Variants in SLC22A2 observed in about 807,000 individuals in gnomAD.
SLC22A2 encodes solute carrier family 22 member 2.
A neutral mutation model predicts 60.5 loss-of-function variants in SLC22A2; 46 were observed. The observed-to-expected ratio is 0.76, with a 90% confidence interval of 0.60 to 0.97. The LOEUF is 0.97. Among genes scored for constraint, SLC22A2 ranks in the 50% least tolerant of loss-of-function variants. The pLI, the probability that SLC22A2 is intolerant of heterozygous loss-of-function variation, is 0.00. For missense variants in SLC22A2, 701 were observed against 706.6 expected, an observed-to-expected ratio of 0.99 and a Z score of 0.09; for synonymous variants, 303 against 267.0, an observed-to-expected ratio of 1.13 and a Z score of -1.31.
chr6:160,251,610 T>C (rs1355835975), intron 2 of SLC22A2, among the ~76,000 whole-genome samples: 3 of 152,174 alleles, frequency 2.0e-5, no homozygotes, highest in Non-Finnish European at 2.9e-5. Flanking sequence ...CCTGGTTTGC[T>C]TGTAAAAGAC....
chr6:160,256,220 C>G (rs1324644490), intron 2 of SLC22A2, among the ~76,000 whole-genome samples: 3 of 151,848 alleles, frequency 2.0e-5, no homozygotes, highest in East Asian at 1.9e-4. Context: ...ATATGCGAGA[C>G]AAGCAGAGGA....
At chr6:160,243,867 T>A (rs1043557216) in intron 6 of SLC22A2, 81 bp from the exon 7 acceptor site, 7 of 945,384 alleles carry the variant, frequency 7.4e-6, no homozygotes, top group Admixed American at 6.0e-5. Flanking sequence ...AAAAATAATG[T>A]GGATTGTAGG....
intron 9 of SLC22A2, among the ~76,000 whole-genome samples, chr6:160,236,163 A>T (rs1782908191): frequency 6.6e-6 from 1 of 152,168 alleles, no homozygotes; most frequent in South Asian, 2.1e-4. Flanking sequence ...TAGGACTTTA[A>T]CAGGTATTCT....
At chr6:160,257,770 T>A (rs1316296670) in intron 1 of SLC22A2, 1 of 152,228 alleles carries the variant, frequency 6.6e-6, no homozygotes, top group Non-Finnish European at 1.5e-5. Flanking sequence ...TTATATTTAT[T>A]GGAATCAGGC....
intron 9 of SLC22A2, among the ~76,000 whole-genome samples, chr6:160,226,290 A>G (rs1782721973): frequency 6.6e-6 from 1 of 152,150 alleles, no homozygotes; most frequent in Admixed American, 6.5e-5. Flanking sequence ...AGTTATGCTT[A>G]AAAACTTTGC....
intron 9 of SLC22A2, among the ~76,000 whole-genome samples, chr6:160,226,885 T>G (rs1387113964): frequency 6.6e-6 from 1 of 152,006 alleles, no homozygotes; most frequent in African/African-American, 2.4e-5. Flanking sequence ...CATTATACCC[T>G]CTCCCTTTTG....
chr6:160,234,971 T>C (rs1051555020), intron 9 of SLC22A2, among the ~76,000 whole-genome samples: 2 of 152,216 alleles, frequency 1.3e-5, no homozygotes, highest in Non-Finnish European at 2.9e-5. Flanking sequence ...GCAAAAAATA[T>C]CGGCTGTTTG....
At chr6:160,227,998 AC>A (rs369124102) in intron 9 of SLC22A2, among the ~76,000 whole-genome samples, 4 of 152,206 alleles carry the variant, frequency 2.6e-5, no homozygotes, top group African/African-American at 7.2e-5. Flanking sequence ...TTAATAACCC[AC>A]CTTTTGTTTA....
At chr6:160,235,693 C>T (rs1007043636) in intron 9 of SLC22A2, among the ~76,000 whole-genome samples, 1 of 151,266 alleles carries the variant, frequency 6.6e-6, no homozygotes. Flanking sequence ...TTTCTTACAG[C>T]ACTGATCTGC....
intron 2 of SLC22A2, among the ~76,000 whole-genome samples, chr6:160,251,974 A>G (rs1486752879): frequency 1.3e-5 from 2 of 152,138 alleles, no homozygotes; most frequent in African/African-American, 4.8e-5. Flanking sequence ...CATTTTTAAA[A>G]ATTTTTATTT....
intron 8 of SLC22A2, 79 bp from the exon 9 acceptor site, chr6:160,241,665 C>A: frequency 1.2e-6 from 1 of 869,314 alleles, no homozygotes; most frequent in South Asian, 1.4e-5. Flanking sequence ...TGAATAAACA[C>A]TTCCTCAAAT....
Position 160,217,296 on chromosome 6 carries a change from G to C in SLC22A2, c.*136C>G. ...CCACAGTGTACAATAGACTCCACTG[G>C]CTGTAGACCTAGGTTGATAGGGCTC... On this transcript the variant is annotated 3_prime_UTR_variant, in exon 11 of 11. Transcript: ENST00000366953. The C allele has an allele frequency of 3.5e-6, 2 of 576,684 alleles. No homozygotes were observed. Among genetic ancestry groups the C allele is most frequent in the Non-Finnish European group, 6.1e-6 (2 of 325,808 alleles). 35.7% of individuals were successfully genotyped at this position (576,684 alleles called of 1,614,324 possible).
chr6:160,219,275 A>G (rs1254500416), intron 10 of SLC22A2, among the ~76,000 whole-genome samples: 1 of 126,302 alleles, frequency 7.9e-6, no homozygotes. Flanking sequence ...TACAATAGCA[A>G]TAACAACAGT....
intron 5 of SLC22A2, among the ~76,000 whole-genome samples, chr6:160,246,932 G>T (rs1783104170): frequency 6.6e-6 from 1 of 152,218 alleles, no homozygotes; most frequent in South Asian, 2.1e-4. Flanking sequence ...CAAGACAGAA[G>T]CTCCTCACGT....
intron 1 of SLC22A2, among the ~76,000 whole-genome samples, 194 bp from the exon 2 acceptor site, chr6:160,256,911 T>C (rs931574472): frequency 6.6e-6 from 1 of 151,692 alleles, no homozygotes; most frequent in Non-Finnish European, 1.5e-5. Flanking sequence ...TCTTTTTTTT[T>C]TTTTTTTGTG....
intron 9 of SLC22A2, among the ~76,000 whole-genome samples, chr6:160,237,818 T>G (rs1293679852): frequency 6.6e-6 from 1 of 152,116 alleles, no homozygotes. Context: ...ATAAAGACCT[T>G]GCTGATCAAA....
intron 2 of SLC22A2, among the ~76,000 whole-genome samples, chr6:160,252,134 C>A (rs1358962665): frequency 6.6e-6 from 1 of 152,012 alleles, no homozygotes; most frequent in Non-Finnish European, 1.5e-5. Context: ...AAATATACAA[C>A]CTCTTGGCCT....
intron 9 of SLC22A2, among the ~76,000 whole-genome samples, chr6:160,230,398 C>T (rs1399383629): frequency 6.6e-6 from 1 of 151,892 alleles, no homozygotes; most frequent in East Asian, 1.9e-4. Context: ...AATATAAAAA[C>T]CCAGCCCGGT....
chr6:160,224,775 C>T lies in SLC22A2; in HGVS notation c.1531G>A (p.Val511Met). 1.2e-6 allele frequency: 2 copies of T among 1,600,032 alleles called. No individual in the cohort carries two copies. The highest frequency in any genetic ancestry group is 1.7e-4 in the Middle Eastern group (1 of 6,022). The change falls in exon 10 of 11, where the codon GTG (valine) becomes ATG (methionine). Residue 511 changes from valine (V) to methionine (M), a missense_variant. By Grantham distance (21) the Val-to-Met change is conservative (BLOSUM62 1). Coordinates refer to ENST00000366953, the MANE Select transcript of SLC22A2 (RefSeq NM_003058.4). Reference protein sequence around the residue: ...GVLGLVAGGLVLLLPETKGKA... With the variant: ...GVLGLVAGGLMLLLPETKGKA... ...CCTTTAGTTTCTGGAAGCAACAGCA[C>T]CAGACCTCCAGCAACCAAGCCAAGC...
Sources: allele counts gnomAD v4.1 joint callset (sites outside exome capture counted in the v4.1 genomes callset), GRCh38; gene constraint gnomAD v4.1.1; transcripts MANE v1.5; gene names NCBI Gene and HGNC (gene_info 2026-07-23, HGNC 2026-07-21).